RUSC2: variants seen among roughly 807,000 people sequenced by gnomAD.
RUSC2 encodes the protein AP-4 complex accessory subunit RUSC2.
In RUSC2, 34 loss-of-function variants were observed where a neutral mutation model predicts 122.2. The ratio of observed to expected loss-of-function variants is 0.28; its 90% CI spans 0.21 to 0.37. RUSC2 has a LOEUF of 0.37. Ranked by LOEUF, RUSC2 falls within the 10% of genes least tolerant of loss-of-function variation. RUSC2 has a pLI of 1.00. For synonymous variants in RUSC2, 784 were observed against 790.0 expected (o/e 0.99, Z 0.13); for missense variants, 1,747 against 1,952.4 (o/e 0.89, Z 1.98).
At chr9:35,523,719 G>A (rs943427544) in intron 1 of RUSC2, among the ~76,000 whole-genome samples, 2 of 151,992 alleles carry the variant, frequency 1.3e-5, no homozygotes, top group Non-Finnish European at 2.9e-5. Flanking sequence ...GGAGGCTGAG[G>A]TGGAAGGATG....
At chr9:35,552,369 G>A (rs1191504906) in intron 2 of RUSC2, among the ~76,000 whole-genome samples, 6 of 151,970 alleles carry the variant, frequency 3.9e-5, no homozygotes, top group Non-Finnish European at 7.4e-5. Context: ...TCAGAAAAAA[G>A]TAAATTAAAA....
rs1161025099 is a variant in RUSC2 at position 35,555,178 on chromosome 9, G to C, written c.2133G>C (p.Arg711=). Residue 711 remains arginine, a synonymous_variant, in exon 3 of 12, where the codon CGG becomes CGC. Transcript: ENST00000361226. This position sits in a 1 kb window ranked among gnomAD's most constrained non-coding sequence, Gnocchi z 4.6. ...TCCCCAAGCAGCTGGCCAAGGCCCGGGCCCTCCACAGCCTTTCCCAGCTCT... is the reference window on the plus strand; with the variant it reads ...TCCCCAAGCAGCTGGCCAAGGCCCGCGCCCTCCACAGCCTTTCCCAGCTCT... The part of the protein sequence containing the change: ...HHFPKQLAKA[R]ALHSLSQLYS... 7 of 1,613,676 alleles carry C rather than the reference G, an allele frequency of 4.3e-6. No homozygotes were observed. The South Asian group carries it at 7.7e-5, about 18-fold the overall frequency.
intron 1 of RUSC2, among the ~76,000 whole-genome samples, chr9:35,503,159 G>A (rs1364689290): frequency 6.6e-6 from 1 of 152,170 alleles, no homozygotes; most frequent in Non-Finnish European, 1.5e-5. Flanking sequence ...ACCGCACCCA[G>A]CCAGATAAGT....
At chr9:35,536,808 C>CAAAAAAAAAAAA (rs67604535) in intron 1 of RUSC2, among the ~76,000 whole-genome samples, 5 of 69,620 alleles carry the variant, frequency 7.2e-5, no homozygotes, top group Admixed American at 2.0e-4. Context: ...GAGTGAAACT[C>CAAAAAAAAAAAA]AAAAAAAAAA....
At chr9:35,545,921 T>C (rs78799770) in intron 1 of RUSC2, among the ~76,000 whole-genome samples, 3,149 of 152,336 alleles carry the variant, frequency 0.021, 111 homozygotes, top group African/African-American at 0.068. Context: ...GATGATACCG[T>C]ATATTTTAAA....
chr9:35,527,365 A>G (rs545926741), intron 1 of RUSC2, among the ~76,000 whole-genome samples: 7 of 152,104 alleles, frequency 4.6e-5, no homozygotes, highest in South Asian at 2.1e-4. Flanking sequence ...GAGTCTTGCT[A>G]TGGTGCCCAG....
In RUSC2 at chr9:35,548,799, C is replaced by G. The variant is rs1821828789; in HGVS notation, c.2014+264C>G. 1 of 931,756 alleles carries G rather than the reference C, an allele frequency of 1.1e-6. No individual in the cohort carries two copies. Among genetic ancestry groups the G allele is most frequent in the Admixed American group, 6.2e-5 (1 of 16,172 alleles). 57.7% of individuals were successfully genotyped at this position (931,756 alleles called of 1,614,324 possible). A position where few individuals can be genotyped will look rare whatever the true frequency, so the allele number is the denominator to read the frequency against. ...GATCCCAGCCCTTTGGGAGGCCAAG[C>G]CAGGCGAATCACTTGAGGTCAGGAG... On this transcript the variant is annotated intron_variant, in intron 2 of 11. Coordinates refer to ENST00000361226, the MANE Select transcript of RUSC2 (RefSeq NM_014806.5). The surrounding 1 kb of genome is among the most constrained non-coding windows in gnomAD (Gnocchi z 4.5).
intron 1 of RUSC2, among the ~76,000 whole-genome samples, chr9:35,533,924 T>G (rs1821471962): frequency 6.6e-6 from 1 of 152,250 alleles, no homozygotes; most frequent in Non-Finnish European, 1.5e-5. Context: ...CTAGGAATAC[T>G]CATATACAAG....
At position 35,560,741 on chromosome 9, in the gene RUSC2, C is replaced by T; in HGVS notation, c.4101C>T (p.Ala1367=). ...RRSREREGPA[A]SPAENEEGAS... ...GTCGGGAGAGGGAAGGGCCCGCTGC[C>T]TCGCCAGCAGAAAATGAGGAAGGGG... The change falls in exon 10 of 12, where the codon GCC becomes GCT. Residue 1367 remains alanine (A), a synonymous_variant. Transcript: ENST00000361226. 6.5e-7 allele frequency: 1 copy of T among 1,540,446 alleles called. No homozygotes were observed. Among genetic ancestry groups the T allele is most frequent in the Non-Finnish European group, 8.7e-7 (1 of 1,145,326 alleles).
chr9:35,515,724 C>A (rs182178439), intron 1 of RUSC2, among the ~76,000 whole-genome samples: 15 of 152,074 alleles, frequency 9.9e-5, no homozygotes, highest in African/African-American at 3.6e-4. Context: ...ATGGGCCAGA[C>A]ACAGTGGTTC....
chr9:35,509,586 C>A (rs149957774), intron 1 of RUSC2, among the ~76,000 whole-genome samples: 2 of 151,972 alleles, frequency 1.3e-5, no homozygotes, highest in South Asian at 4.2e-4. Context: ...AGAACAAAGC[C>A]GTGAAGAAAA....
In RUSC2 at chr9:35,529,275, T is replaced by C. The variant is rs562896091; in HGVS notation, c.-92-17155T>C. ...AGACAAATAATGCAAATAAGTAAAA[T>C]GAACCAGTGAAGCTGCCATGAGGAG... is the stretch of plus-strand genomic sequence containing the variant. On this transcript the variant is annotated intron_variant, in intron 1 of 11. Transcript: ENST00000361226. Among the ~76,000 whole-genome samples the C allele has an allele frequency of 2.0e-5, 3 of 152,012 alleles. No homozygotes were observed. In the South Asian group the frequency reaches 6.2e-4, roughly 32 times the overall value.
At chr9:35,493,646 G>T (rs1411335265) in intron 1 of RUSC2, among the ~76,000 whole-genome samples, 1 of 152,064 alleles carries the variant, frequency 6.6e-6, no homozygotes, top group African/African-American at 2.4e-5. Flanking sequence ...GGAATTACAG[G>T]TGCACGCCAC....
At position 35,560,839 on chromosome 9, in the gene RUSC2, G is replaced by A. The variant is rs774466441; in HGVS notation, c.4199G>A (p.Arg1400Gln). The A allele has an allele frequency of 1.6e-5, 25 of 1,533,758 alleles. No individual in the cohort carries two copies. In the Middle Eastern group the frequency reaches 5.3e-4, roughly 32 times the overall value. Reference sequence around the variant, plus strand: ...TCCCGAAAAGCCCAGCGGGAGGCCCGGCCCACAAATAGGTGAGAGCCTGCC... The same window carrying A: ...TCCCGAAAAGCCCAGCGGGAGGCCCAGCCCACAAATAGGTGAGAGCCTGCC... Reference protein sequence around the residue: ...FGSRKAQREARPTNRLPSDWL... With the variant: ...FGSRKAQREAQPTNRLPSDWL... Residue 1400 changes from arginine (R) to glutamine (Q), a missense_variant, in exon 10 of 12, where the codon CGG (arginine) becomes CAG (glutamine). Physicochemically the swap from Arg to Gln is conservative, Grantham distance 43. Transcript: ENST00000361226.
intron 1 of RUSC2, among the ~76,000 whole-genome samples, chr9:35,513,563 T>C (rs932297909): frequency 6.6e-6 from 1 of 151,244 alleles, no homozygotes; most frequent in Non-Finnish European, 1.5e-5. Context: ...ACTTTGTAAA[T>C]TGCTTATTTA....
chr9:35,530,130 T>G (rs547847797), intron 1 of RUSC2, among the ~76,000 whole-genome samples: 75 of 152,290 alleles, frequency 4.9e-4, no homozygotes, highest in Admixed American at 1.9e-3. Context: ...TTTTGTATTT[T>G]TTGTAGAGAC....
chr9:35,533,273 G>T (rs1282597349), intron 1 of RUSC2, among the ~76,000 whole-genome samples: 1 of 151,646 alleles, frequency 6.6e-6, no homozygotes, highest in Non-Finnish European at 1.5e-5. Flanking sequence ...AGAATTTGGT[G>T]TTGAAAAAAG....
Position 35,561,823 on chromosome 9 carries a change from C to T in RUSC2, c.*441C>T. The T allele has an allele frequency of 1.7e-6, 1 of 592,990 alleles. No homozygotes were observed. The highest frequency in any genetic ancestry group is 3.0e-6 in the Non-Finnish European group (1 of 336,360). The allele number at this position is 592,990 out of a possible 1,614,324, so 36.7% of individuals were successfully genotyped here. A position where few individuals can be genotyped will look rare whatever the true frequency, so the allele number is the denominator to read the frequency against. On this transcript the variant is annotated 3_prime_UTR_variant, in exon 12 of 12. Coordinates refer to ENST00000361226, the MANE Select transcript of RUSC2 (RefSeq NM_014806.5). ...TGGTCATCAGAAGAGGGAGGAGGAG[C>T]CCAGGCGTCTGTTTATGTATTTATT...
At chr9:35,505,091 TTTAG>T (rs1468874665) in intron 1 of RUSC2, among the ~76,000 whole-genome samples, 13 of 152,234 alleles carry the variant, frequency 8.5e-5, no homozygotes, top group South Asian at 8.3e-4. Context: ...AATCTTAGTC[TTTAG>T]TTATTCACAC....
Sources: allele counts gnomAD v4.1 joint callset (sites outside exome capture counted in the v4.1 genomes callset), GRCh38; gene constraint gnomAD v4.1.1; non-coding constraint Gnocchi (gnomAD v3.1); transcripts MANE v1.5; gene names NCBI Gene and HGNC (gene_info 2026-07-23, HGNC 2026-07-21).